DZIP3: variants seen among roughly 807,000 people sequenced by gnomAD.
DZIP3 encodes the protein DAZ interacting zinc finger protein 3, also known as E3 ubiquitin-protein ligase DZIP3.
Under a neutral mutation model 162.0 loss-of-function variants are expected in DZIP3, and 118 were observed. The observed-to-expected ratio is 0.73, with a 90% CI of 0.63 to 0.85. The LOEUF is 0.85. DZIP3 is among the 40% of genes least tolerant of loss of function. The pLI is 0.00. For synonymous variants in DZIP3, 438 were observed against 458.6 expected (o/e 0.96, Z 0.57); for missense variants, 1,331 against 1,407.0 (o/e 0.95, Z 0.86).
At chr3:108,608,423 C>G (rs910759535) in intron 3 of DZIP3, among the ~76,000 whole-genome samples, 2 of 151,902 alleles carry the variant, frequency 1.3e-5, no homozygotes, top group Admixed American at 1.3e-4. Context: ...CAGAAATAAC[C>G]CAACAATCAT....
intron 19 of DZIP3, among the ~76,000 whole-genome samples, chr3:108,655,783 G>A (rs1474867952): frequency 1.3e-5 from 2 of 152,128 alleles, no homozygotes; most frequent in East Asian, 1.9e-4. Flanking sequence ...CTGGAAAATC[G>A]GGTCACTCCC....
chr3:108,644,510 C>T lies in DZIP3; in HGVS notation c.1488C>T (p.Ile496=). Residue 496 remains isoleucine (I), a synonymous_variant, in exon 14 of 33, where the codon ATC becomes ATT. Coordinates refer to ENST00000361582, the MANE Select transcript of DZIP3 (RefSeq NM_014648.4). ...GWNMEPPSSD[I]SKSADILRLC... ...ATATGGAACCGCCATCTTCTGACATCTCTAAATCTGCAGACATCCTGAGAC... is the reference window on the plus strand; with the variant it reads ...ATATGGAACCGCCATCTTCTGACATTTCTAAATCTGCAGACATCCTGAGAC... 6.2e-7 allele frequency: 1 copy of T among 1,614,130 alleles called. No homozygotes were observed. Among genetic ancestry groups the T allele is most frequent in the Non-Finnish European group, 8.5e-7 (1 of 1,179,990 alleles).
chr3:108,605,400 G>C lies in DZIP3; in HGVS notation c.-7G>C, dbSNP rs1576347760. ...AATAAGATTTTTGTAAAGAAACCTT[G>C]TGCAGCATGGATTCTCTACCAGATG... On this transcript the variant is annotated 5_prime_UTR_variant, in exon 2 of 33. Coordinates refer to ENST00000361582, the MANE Select transcript of DZIP3 (RefSeq NM_014648.4). 1 of 1,613,546 alleles carries C rather than the reference G, an allele frequency of 6.2e-7. No individual in the cohort carries two copies. The highest frequency in any genetic ancestry group is 2.2e-5 in the East Asian group (1 of 44,850).
chr3:108,622,870 C>CTGTGTGTGTGTGTGTG (rs1363585085), intron 5 of DZIP3, among the ~76,000 whole-genome samples: 1 of 126,926 alleles, frequency 7.9e-6, no homozygotes. Flanking sequence ...CTCTCTCTCT[C>CTGTGTGTGTGTGTGTG]TCTCTCTCTC....
chr3:108,600,197 C>G (rs905208607), intron 1 of DZIP3, among the ~76,000 whole-genome samples: 5 of 152,132 alleles, frequency 3.3e-5, no homozygotes, highest in Non-Finnish European at 7.4e-5. Context: ...CTAGCAGTGT[C>G]AGAGTCTGCT....
rs577800649 is a variant in DZIP3, at chr3:108,639,608, C to T, written c.1064+2060C>T. On this transcript the variant is annotated intron_variant, in intron 12 of 32. Coordinates refer to ENST00000361582, the MANE Select transcript of DZIP3 (RefSeq NM_014648.4). ...TTCCATTTCAGTTTTCTGGTTTCTT[C>T]AGCCAAAGAGACCTTTTCTCTGTAG... Among the ~76,000 whole-genome samples, 3 of 152,070 alleles carry T rather than the reference C, an allele frequency of 2.0e-5. No individual in the cohort carries two copies. The South Asian group carries it at 6.2e-4, about 32-fold the overall frequency.
chr3:108,592,705 CAAAAA>C (rs59524030), intron 1 of DZIP3, among the ~76,000 whole-genome samples: 4 of 63,882 alleles, frequency 6.3e-5, no homozygotes, highest in Admixed American at 1.8e-4. Context: ...GACCCTGTCT[CAAAAA>C]AAAAAAAAAA....
chr3:108,631,052 C>CACACACACACACACACACACACAT (rs1168781519), intron 8 of DZIP3, among the ~76,000 whole-genome samples: 3 of 102,226 alleles, frequency 2.9e-5, no homozygotes, highest in Non-Finnish European at 6.3e-5. Flanking sequence ...CACACACACA[C>CACACACACACACACACACACACAT]ACACTCTCTC....
chr3:108,642,490 A>G lies in DZIP3; in HGVS notation c.1117A>G (p.Ile373Val). 6.7e-7 allele frequency: 1 copy of G among 1,481,516 alleles called. No homozygotes were observed. The highest frequency in any genetic ancestry group is 9.1e-7 in the Non-Finnish European group (1 of 1,094,406). 91.8% of individuals were successfully genotyped at this position (1,481,516 alleles called of 1,614,324 possible). The change falls in exon 13 of 33, where the codon ATC becomes GTC. Residue 373 changes from isoleucine to valine, a missense_variant. By Grantham distance (29) the Ile-to-Val change is conservative. Transcript: ENST00000361582. ...KITDTDIRPK[I>V]SLKFNTKDEM... is the part of the protein sequence containing the mutation. ...AACTGATACTGATATAAGACCGAAG[A>G]TCAGTTTAAAATTTAATACAAAAGG... is the stretch of plus-strand genomic sequence containing the variant.
At chr3:108,620,055 A>T (rs977877147) in intron 5 of DZIP3, among the ~76,000 whole-genome samples, 1 of 152,182 alleles carries the variant, frequency 6.6e-6, no homozygotes, top group African/African-American at 2.4e-5. Flanking sequence ...TGTGATAAGG[A>T]TACATAGTAG....
At position 108,642,320 on chromosome 3, in the gene DZIP3, C is replaced by T. The variant is rs547367406; in HGVS notation, c.1065-118C>T. Reference sequence around the variant, plus strand: ...TATTTGTTCATTATTTTTTCTCCTTCTTGAATTATTTCTAGGAGAAGATGA... The same window carrying T: ...TATTTGTTCATTATTTTTTCTCCTTTTTGAATTATTTCTAGGAGAAGATGA... On this transcript the variant is annotated intron_variant, in intron 12 of 32. Coordinates refer to ENST00000361582, the MANE Select transcript of DZIP3 (RefSeq NM_014648.4). The T allele has an allele frequency of 7.0e-6, 8 of 1,138,344 alleles. No homozygotes were observed. The East Asian group carries it at 1.9e-4, about 27-fold the overall frequency. 70.5% of individuals were successfully genotyped at this position (1,138,344 alleles called of 1,614,324 possible).
At chr3:108,651,190 A>C (rs1228753790) in intron 18 of DZIP3, 28 bp downstream of exon 18, 1 of 717,776 alleles carries the variant, frequency 1.4e-6, no homozygotes. Context: ...TAATTTTTAA[A>C]TTTTTCTTAG....
At chr3:108,653,504 T>TGA (rs1169986829) in intron 18 of DZIP3, among the ~76,000 whole-genome samples, 9 of 33,508 alleles carry the variant, frequency 2.7e-4, no homozygotes, top group Non-Finnish European at 4.6e-4. Flanking sequence ...ATTGTGTGTG[T>TGA]GTGTATATAT....
At chr3:108,674,219 G>A in intron 24 of DZIP3, 38 bp downstream of exon 24, 1 of 1,542,956 alleles carries the variant, frequency 6.5e-7, no homozygotes. Flanking sequence ...CTTAATTTTA[G>A]AGATGTTAGC....
At chr3:108,665,161 G>A (rs1260592156) in intron 21 of DZIP3, among the ~76,000 whole-genome samples, 1 of 152,126 alleles carries the variant, frequency 6.6e-6, no homozygotes, top group Admixed American at 6.5e-5. Flanking sequence ...ATATTATTCA[G>A]ATATTGGAAT....
At chr3:108,638,206 A>G (rs1420777043) in intron 12 of DZIP3, among the ~76,000 whole-genome samples, 2 of 152,198 alleles carry the variant, frequency 1.3e-5, no homozygotes, top group African/African-American at 2.4e-5. Context: ...GAGTATCTCC[A>G]TTTTTATTTT....
At chr3:108,654,410 A>G (rs1943017603) in intron 19 of DZIP3, 100 bp downstream of exon 19, 1 of 1,300,970 alleles carries the variant, frequency 7.7e-7, no homozygotes, top group African/African-American at 1.5e-5. Flanking sequence ...CCAGTGGTTT[A>G]TACTGTTTGT....
chr3:108,677,090 C>A (rs770321536), intron 25 of DZIP3, among the ~76,000 whole-genome samples: 6 of 152,064 alleles, frequency 3.9e-5, no homozygotes, highest in Non-Finnish European at 8.8e-5. Context: ...TGAACATTTG[C>A]AAGTAGTTTA....
intron 14 of DZIP3, among the ~76,000 whole-genome samples, chr3:108,645,509 G>C (rs1942585053): frequency 1.3e-5 from 2 of 152,126 alleles, no homozygotes; most frequent in African/African-American, 4.8e-5. Flanking sequence ...AAAGACTTCA[G>C]ACCTCCTTTC....
Sources: gnomAD v4.1 joint callset for allele counts (sites outside exome capture counted in the v4.1 genomes callset) on GRCh38, gnomAD v4.1.1 for gene constraint, MANE v1.5 for transcripts, NCBI Gene and HGNC (gene_info 2026-07-23, HGNC 2026-07-21) for gene names.